The following PRDM16 variants were observed in gnomAD, a reference collection of about 807,000 sequenced individuals.
The protein encoded by PRDM16 is PR/SET domain 16.
In PRDM16, 23 loss-of-function variants were observed where a neutral mutation model predicts 110.6. The observed-to-expected ratio is 0.21, with a 90% CI of 0.15 to 0.29. The LOEUF (loss-of-function observed/expected upper bound fraction) is 0.29, where lower values mean the gene tolerates loss of function less well. Among genes scored for constraint, PRDM16 ranks in the 10% least tolerant of loss-of-function variants. The probability of loss-of-function intolerance (pLI) is 1.00; values close to 1 mark genes in which losing one functional copy is unlikely to be tolerated. For synonymous variants in PRDM16, 799 were observed against 781.8 expected (o/e 1.02, Z -0.37); for missense variants, 1,615 against 1,794.3 (o/e 0.90, Z 1.81).
At chr1:3,356,265 C>T (rs1485532581) in intron 3 of PRDM16, among the ~76,000 whole-genome samples, 3 of 152,184 alleles carry the variant, frequency 2.0e-5, no homozygotes, top group Non-Finnish European at 4.4e-5. Flanking sequence ...CCAAAGCCCC[C>T]CCCAGCCCCC....
rs565328019 is a variant in PRDM16 at position 3,117,425 on chromosome 1, G to C, written c.37+48129G>C. Among the ~76,000 whole-genome samples the C allele has an allele frequency of 2.0e-5, 3 of 152,244 alleles. No individual in the cohort carries two copies. The South Asian group carries it at 6.2e-4, about 32-fold the overall frequency. On this transcript the variant is annotated intron_variant, in intron 1 of 16. Transcript: ENST00000270722. ...TGGGAGCTGGCGGGTGAGAACGCAG[G>C]GGGAAGGAACACCCTTTCTGCCCCA...
intron 3 of PRDM16, among the ~76,000 whole-genome samples, chr1:3,369,528 G>A (rs2100574675): frequency 6.6e-6 from 1 of 152,370 alleles, no homozygotes; most frequent in Middle Eastern, 3.4e-3. Context: ...GGGCAGCTGG[G>A]TATGAGGAGA....
chr1:3,086,160 G>A (rs569251731), intron 1 of PRDM16, among the ~76,000 whole-genome samples: 2 of 152,206 alleles, frequency 1.3e-5, no homozygotes, highest in Admixed American at 1.3e-4. Context: ...CTCCTCTCAG[G>A]GCAGGACAGA....
intron 3 of PRDM16, chr1:3,307,625 G>T (rs1570036152): frequency 6.6e-6 from 1 of 152,182 alleles, no homozygotes; most frequent in East Asian, 1.9e-4. Context: ...AGTGTGCAAG[G>T]CTGAACGTGG....
At chr1:3,112,673 A>T (rs1642824561) in intron 1 of PRDM16, among the ~76,000 whole-genome samples, 1 of 152,226 alleles carries the variant, frequency 6.6e-6, no homozygotes, top group Non-Finnish European at 1.5e-5. Context: ...ATTCCTGCAG[A>T]CAGGGCCTTC....
At chr1:3,331,305 G>C (rs1642037452) in intron 3 of PRDM16, among the ~76,000 whole-genome samples, 2 of 151,932 alleles carry the variant, frequency 1.3e-5, no homozygotes, top group African/African-American at 4.8e-5. Context: ...CCCCCCCCCG[G>C]CACACTTGGA....
intron 1 of PRDM16, among the ~76,000 whole-genome samples, chr1:3,121,763 C>T (rs1174197251): frequency 6.6e-6 from 1 of 152,230 alleles, no homozygotes; most frequent in African/African-American, 2.4e-5. Context: ...CGCTGCAGGC[C>T]CTTCTCTGCG....
intron 3 of PRDM16, among the ~76,000 whole-genome samples, chr1:3,345,012 G>A (rs1237867208): frequency 6.6e-6 from 1 of 152,208 alleles, no homozygotes; most frequent in African/African-American, 2.4e-5. Context: ...TCATGTCTCT[G>A]TGGCTCCTTC....
chr1:3,077,398 C>A (rs1386116256), intron 1 of PRDM16, among the ~76,000 whole-genome samples: 1 of 152,224 alleles, frequency 6.6e-6, no homozygotes, highest in African/African-American at 2.4e-5. Flanking sequence ...CTGCTGGACT[C>A]TCCCCTTTGT....
intron 3 of PRDM16, among the ~76,000 whole-genome samples, chr1:3,287,439 T>C (rs80224003): frequency 0.01 from 489 of 46,978 alleles, 2 homozygotes; most frequent in Non-Finnish European, 0.018. Context: ...CAGGATTGCA[T>C]TTACCGGGGC....
At position 3,293,068 on chromosome 1, in the gene PRDM16, A is replaced by G. The variant is rs552944159; in HGVS notation, c.438+48931A>G. Among the ~76,000 whole-genome samples the G allele has an allele frequency of 2.6e-5, 4 of 152,358 alleles. No homozygotes were observed. The South Asian group carries it at 6.2e-4, about 24-fold the overall frequency. On this transcript the variant is annotated intron_variant, in intron 3 of 16. Coordinates refer to ENST00000270722, the MANE Select transcript of PRDM16 (RefSeq NM_022114.4). The stretch of plus-strand genomic sequence containing the variant: ...ACACATCCAGGTGCCTTTCACAGGG[A>G]CATCGCCCATGAGGGCAGGGACTGC...
intron 1 of PRDM16, among the ~76,000 whole-genome samples, chr1:3,181,144 A>C (rs1266540691): frequency 7.0e-6 from 1 of 143,312 alleles, no homozygotes; most frequent in Non-Finnish European, 1.5e-5. Flanking sequence ...ACGCGGTCTT[A>C]CACACGCAGT....
intron 2 of PRDM16, among the ~76,000 whole-genome samples, chr1:3,202,740 C>T (rs1161490782): frequency 6.6e-6 from 1 of 152,154 alleles, no homozygotes; most frequent in African/African-American, 2.4e-5. Context: ...GCCCTGGCAC[C>T]ACAGAAAGAG....
Position 3,190,345 on chromosome 1 carries a change from G to A in PRDM16, c.387+3871G>A, listed in dbSNP as rs903697601. On this transcript the variant is annotated intron_variant, in intron 2 of 16. Transcript: ENST00000270722. The surrounding 1 kb of genome is among the most constrained non-coding windows in gnomAD (Gnocchi z 5.0). ...TAGCAACGCAGGAATGAGGCTGGGG[G>A]TCGGGAGCTGAGTTTCCTCCGGCCT... Among the ~76,000 whole-genome samples the A allele has an allele frequency of 6.6e-6, 1 of 152,216 alleles. No homozygotes were observed. The highest frequency in any genetic ancestry group is 1.9e-4 in the East Asian group (1 of 5,196).
At position 3,390,613 on chromosome 1, in the gene PRDM16, C is replaced by T. The variant is rs371799133; in HGVS notation, c.573+5327C>T. On this transcript the variant is annotated intron_variant, in intron 4 of 16. Coordinates refer to ENST00000270722, the MANE Select transcript of PRDM16 (RefSeq NM_022114.4). The surrounding 1 kb of genome is among the most constrained non-coding windows in gnomAD (Gnocchi z 5.0). ...AGGCAGCACCGCGTGGACAAGAGCC[C>T]GCGCGGGTTGTTCATGAGAACCAGG... is the stretch of plus-strand genomic sequence containing the variant. 4.6e-5 allele frequency among the ~76,000 whole-genome samples: 7 copies of T among 152,162 alleles called. No individual in the cohort carries two copies. Among genetic ancestry groups the T allele is most frequent in the African/African-American group, 1.2e-4 (5 of 41,538 alleles).
intron 3 of PRDM16, among the ~76,000 whole-genome samples, chr1:3,372,201 G>T (rs1241119964): frequency 6.6e-6 from 1 of 152,250 alleles, no homozygotes; most frequent in Non-Finnish European, 1.5e-5. Context: ...GGGGTCCTTG[G>T]TAGGTTCCTC....
At chr1:3,102,564 C>G (rs1389869993) in intron 1 of PRDM16, among the ~76,000 whole-genome samples, 2 of 152,218 alleles carry the variant, frequency 1.3e-5, no homozygotes, top group Admixed American at 1.3e-4. Flanking sequence ...ATTTCCATCT[C>G]TGGGCATTTG....
chr1:3,178,446 GA>G (rs1195901882), intron 1 of PRDM16, among the ~76,000 whole-genome samples: 4 of 152,308 alleles, frequency 2.6e-5, no homozygotes, highest in Admixed American at 1.3e-4. Context: ...GAAGGCTTTG[GA>G]TGGGAAAAGT....
At chr1:3,301,332 C>CAAAAAAAAA (rs70938084) in intron 3 of PRDM16, among the ~76,000 whole-genome samples, 1 of 101,872 alleles carries the variant, frequency 9.8e-6, no homozygotes, top group Non-Finnish European at 2.0e-5. Flanking sequence ...GATCCCATCT[C>CAAAAAAAAA]AAAAAAAAAA....
Sources: gnomAD v4.1 joint callset for allele counts (sites outside exome capture counted in the v4.1 genomes callset) on GRCh38, gnomAD v4.1.1 for gene constraint, Gnocchi (gnomAD v3.1) non-coding constraint, MANE v1.5 for transcripts, NCBI Gene and HGNC (gene_info 2026-07-23, HGNC 2026-07-21) for gene names.